Variants in MTMR4 observed in about 807,000 individuals in gnomAD.
MTMR4 encodes phosphatidylinositol-3,5-bisphosphate 3-phosphatase MTMR4.
Under a neutral mutation model 125.5 loss-of-function variants are expected in MTMR4, and 30 were observed. That is an observed-to-expected ratio of 0.24 (90% CI 0.18 to 0.32). MTMR4 has a LOEUF of 0.32. Ranked by LOEUF, MTMR4 falls within the 10% of genes least tolerant of loss-of-function variation. The probability of loss-of-function intolerance (pLI) is 1.00; values close to 1 mark genes in which losing one functional copy is unlikely to be tolerated. For missense variants in MTMR4, 1,039 were observed against 1,511.5 expected, an observed-to-expected ratio of 0.69 and a Z score of 5.18; for synonymous variants, 498 against 564.5, an observed-to-expected ratio of 0.88 and a Z score of 1.67.
intron 7 of MTMR4, among the ~76,000 whole-genome samples, chr17:58,507,712 C>G (rs867686356): frequency 6.6e-6 from 1 of 152,158 alleles, no homozygotes; most frequent in South Asian, 2.1e-4. Flanking sequence ...AGTAAAAAAC[C>G]AGACAACAAT....
At chr17:58,515,021 C>G (rs755356139), upstream of MTMR4, 23 of 985,342 alleles carry the variant, frequency 2.3e-5, no homozygotes, top group Non-Finnish European at 2.4e-5. Context: ...GTCCTTCAAT[C>G]CCGTGACTTC....
chr17:58,500,346 C>G (rs1053657043), intron 14 of MTMR4, among the ~76,000 whole-genome samples: 7 of 152,104 alleles, frequency 4.6e-5, no homozygotes, highest in Non-Finnish European at 4.4e-5. Flanking sequence ...AGGTTGGTCT[C>G]AAACTCCTGG....
intron 15 of MTMR4, among the ~76,000 whole-genome samples, chr17:58,493,964 T>G (rs549910772): frequency 2.0e-5 from 3 of 152,214 alleles, no homozygotes; most frequent in Non-Finnish European, 4.4e-5. Context: ...TCACCTGGAT[T>G]ATTCCAAAAT....
rs186426028 is a variant in MTMR4, at chr17:58,491,818, C to T, written c.3475G>A (p.Ala1159Thr). The T allele has an allele frequency of 6.2e-6, 10 of 1,613,050 alleles. No individual in the cohort carries two copies. The East Asian group carries it at 2.0e-4, about 32-fold the overall frequency. The change falls in exon 18 of 18, where the codon GCT (alanine) becomes ACT (threonine). Residue 1159 changes from alanine to threonine, a missense_variant. Transcript: ENST00000682306. Reference sequence around the variant, plus strand: ...GGCAGCTTCAGGTGGCAGCATCCAGCACAAAATACATTCCCACAATTTCTG... The same window carrying T: ...GGCAGCTTCAGGTGGCAGCATCCAGTACAAAATACATTCCCACAATTTCTG... ...HCRNCGNVFCAGCCHLKLPIP... is the reference protein window; with the variant it reads ...HCRNCGNVFCTGCCHLKLPIP...
At position 58,491,098 on chromosome 17, in the gene MTMR4, G is replaced by A. The variant is rs1033390450; in HGVS notation, c.*565C>T. 2.6e-5 allele frequency: 4 copies of A among 152,692 alleles called. No homozygotes were observed. Among genetic ancestry groups the A allele is most frequent in the Non-Finnish European group, 2.9e-5 (2 of 68,118 alleles). 9.5% of individuals were successfully genotyped at this position (152,692 alleles called of 1,614,324 possible). ...AAATACATTGAAACCTCCACTTGCTGAGCCAGTCTTCAAACCAAACTCCAC... is the reference window on the plus strand; with the variant it reads ...AAATACATTGAAACCTCCACTTGCTAAGCCAGTCTTCAAACCAAACTCCAC... On this transcript the variant is annotated 3_prime_UTR_variant, in exon 18 of 18. Coordinates refer to ENST00000682306, the MANE Select transcript of MTMR4 (RefSeq NM_001378067.1).
Position 58,508,059 on chromosome 17 carries a change from G to C in MTMR4, c.707+102C>G. ...AAGTTATTTCATACTTCCCCATAGA[G>C]TGTCAATTCTCAGTCAACCAGGTTA... On this transcript the variant is annotated intron_variant, in intron 7 of 17. Transcript: ENST00000682306. The surrounding 1 kb of genome is among the most constrained non-coding windows in gnomAD (Gnocchi z 4.8). 1 of 785,402 alleles carries C rather than the reference G, an allele frequency of 1.3e-6. No homozygotes were observed. The highest frequency in any genetic ancestry group is 1.6e-5 in the South Asian group (1 of 64,296). 48.7% of individuals were successfully genotyped at this position (785,402 alleles called of 1,614,324 possible). A position where few individuals can be genotyped will look rare whatever the true frequency, so the allele number is the denominator to read the frequency against.
upstream of MTMR4, among the ~76,000 whole-genome samples, chr17:58,518,635 T>C (rs1206906069): frequency 6.6e-6 from 1 of 152,196 alleles, no homozygotes; most frequent in Admixed American, 6.5e-5. Flanking sequence ...GATCTGAGAC[T>C]GCCAGCTAGC....
Position 58,495,852 on chromosome 17 carries a change from G to C in MTMR4, c.2332C>G (p.Leu778Val). ...HCPETEAVSA[L>V]SKVISNKCDG... ...CACTTGTTAGAAATGACCTTGGAGA[G>C]TGCACTGACAGCTTCTGTTTCAGGA... is the stretch of plus-strand genomic sequence containing the variant. Residue 778 changes from leucine (L) to valine (V), a missense_variant, in exon 15 of 18, where the codon CTC becomes GTC. This residue lies in a region of MTMR4 where 619 missense variants were observed against 714.5 expected (regional missense o/e 0.87). Transcript: ENST00000682306. 1 of 1,614,164 alleles carries C rather than the reference G, an allele frequency of 6.2e-7. No homozygotes were observed. Among genetic ancestry groups the C allele is most frequent in the Non-Finnish European group, 8.5e-7 (1 of 1,180,030 alleles).
chr17:58,492,055 GA>G (rs1338436823), intron 17 of MTMR4, among the ~76,000 whole-genome samples: 1 of 152,308 alleles, frequency 6.6e-6, no homozygotes, highest in African/African-American at 2.4e-5. Flanking sequence ...AATATACTGA[GA>G]ATGAGTGATA....
chr17:58,515,255 T>C (rs570288239), upstream of MTMR4, among the ~76,000 whole-genome samples: 1 of 152,024 alleles, frequency 6.6e-6, no homozygotes, highest in Non-Finnish European at 1.5e-5. Context: ...CCACAGAAGC[T>C]ATACAAAAAA....
intron 14 of MTMR4, among the ~76,000 whole-genome samples, chr17:58,500,554 T>C (rs945207997): frequency 2.0e-5 from 3 of 151,896 alleles, no homozygotes; most frequent in Non-Finnish European, 4.4e-5. Flanking sequence ...ATCGAGACCA[T>C]CCTGGCCAAC....
upstream of MTMR4, among the ~76,000 whole-genome samples, chr17:58,515,328 G>A (rs2143946120): frequency 6.6e-6 from 1 of 152,318 alleles, no homozygotes; most frequent in South Asian, 2.1e-4. Context: ...AAGGAATAAG[G>A]ACCAGGAATA....
chr17:58,511,210 C>T (rs1472996065), intron 4 of MTMR4: 2 of 465,270 alleles, frequency 4.3e-6, no homozygotes, highest in Non-Finnish European at 7.6e-6. Flanking sequence ...TTAATCCTTA[C>T]GATGACTCCA....
At chr17:58,492,667 G>A in intron 16 of MTMR4, 68 bp from the exon 17 acceptor site, 1 of 1,483,826 alleles carries the variant, frequency 6.7e-7, no homozygotes, top group Non-Finnish European at 9.4e-7. Context: ...ATTGCAATGA[G>A]GAAAGCACCC....
At chr17:58,503,616 C>A (rs568340141) in intron 14 of MTMR4, 128 bp downstream of exon 14, 36 of 1,219,522 alleles carry the variant, frequency 3.0e-5, no homozygotes, top group Non-Finnish European at 3.4e-5. Context: ...ACCACTGGCA[C>A]TCCACCCTGG....
At chr17:58,505,770 T>C (rs1034142744) in intron 9 of MTMR4, among the ~76,000 whole-genome samples, 187 bp from the exon 10 acceptor site, 8 of 152,100 alleles carry the variant, frequency 5.3e-5, no homozygotes, top group Non-Finnish European at 1.0e-4. Flanking sequence ...TAGCTGGCCA[T>C]AGTGGTAGGC....
At chr17:58,493,783 C>T (rs1218930341) in intron 15 of MTMR4, among the ~76,000 whole-genome samples, 1 of 151,844 alleles carries the variant, frequency 6.6e-6, no homozygotes, top group Non-Finnish European at 1.5e-5. Flanking sequence ...GTTTAAAGCA[C>T]CAGAGAAGTG....
rs1278006113 is a variant in MTMR4, at chr17:58,508,096, C to T, written c.707+65G>A. On this transcript the variant is annotated intron_variant, in intron 7 of 17. Transcript: ENST00000682306. This position sits in a 1 kb window ranked among gnomAD's most constrained non-coding sequence, Gnocchi z 4.8. ...AGTCAACCAGGTTACCCAAAATCTC[C>T]AATTTTGACTCTTTCCTTGTTGCAT... The T allele has an allele frequency of 1.2e-5, 15 of 1,279,522 alleles. No homozygotes were observed. In the African/African-American group the frequency reaches 2.1e-4, roughly 18 times the overall value. 79.3% of individuals were successfully genotyped at this position (1,279,522 alleles called of 1,614,324 possible). A position where few individuals can be genotyped will look rare whatever the true frequency, so the allele number is the denominator to read the frequency against.
At position 58,504,272 on chromosome 17, in the gene MTMR4, C is replaced by A. The variant is rs751751937; in HGVS notation, c.1527+31G>T. 1.2e-5 allele frequency: 19 copies of A among 1,605,956 alleles called. No individual in the cohort carries two copies. Among genetic ancestry groups the A allele is most frequent in the South Asian group, 3.3e-5 (3 of 90,980 alleles). On this transcript the variant is annotated intron_variant, in intron 12 of 17. Coordinates refer to ENST00000682306, the MANE Select transcript of MTMR4 (RefSeq NM_001378067.1). This position sits in a 1 kb window ranked among gnomAD's most constrained non-coding sequence, Gnocchi z 7.1. ...GGGGGCCTCGGGCTGTCATTCCCCCCATCCCTGTTGTCACAGGCCTTAGGA... is the reference window on the plus strand; with the variant it reads ...GGGGGCCTCGGGCTGTCATTCCCCCAATCCCTGTTGTCACAGGCCTTAGGA...
Sources: gnomAD v4.1 joint callset for allele counts (sites outside exome capture counted in the v4.1 genomes callset) on GRCh38, gnomAD v4.1.1 for gene constraint, gnomAD v4.1.1 regional missense constraint, Gnocchi (gnomAD v3.1) non-coding constraint, MANE v1.5 for transcripts, NCBI Gene and HGNC (gene_info 2026-07-23, HGNC 2026-07-21) for gene names.